The following RSRC1 variants were observed in gnomAD, a reference collection of about 807,000 sequenced individuals.
RSRC1 encodes arginine and serine rich coiled-coil 1.
Under a neutral mutation model 49.1 loss-of-function variants are expected in RSRC1, and 39 were observed. The observed-to-expected ratio is 0.79, with a 90% CI of 0.61 to 1.04. The LOEUF (loss-of-function observed/expected upper bound fraction) is 1.04, where lower values mean the gene tolerates loss of function less well. RSRC1 is among the 50% of genes least tolerant of loss of function. The probability of loss-of-function intolerance (pLI) is 0.00; values close to 1 mark genes in which losing one functional copy is unlikely to be tolerated. For synonymous variants in RSRC1, 143 were observed against 130.8 expected, an observed-to-expected ratio of 1.09 and a Z score of -0.63; for missense variants, 388 against 402.4, an observed-to-expected ratio of 0.96 and a Z score of 0.31.
At chr3:158,266,498 C>T (rs944637806) in intron 4 of RSRC1, among the ~76,000 whole-genome samples, 4 of 151,948 alleles carry the variant, frequency 2.6e-5, no homozygotes, top group African/African-American at 9.7e-5. Flanking sequence ...TTTTAGTGTT[C>T]TACACTTGGT....
chr3:158,438,289 G>A (rs894094408), intron 6 of RSRC1, among the ~76,000 whole-genome samples: 2 of 152,144 alleles, frequency 1.3e-5, no homozygotes, highest in Non-Finnish European at 2.9e-5. Context: ...AGCTGCCAAT[G>A]ACTTTCTTCA....
intron 6 of RSRC1, among the ~76,000 whole-genome samples, chr3:158,401,143 T>C (rs1299041197): frequency 2.0e-5 from 3 of 152,038 alleles, no homozygotes; most frequent in African/African-American, 7.2e-5. Context: ...CCATCTAGAT[T>C]TGTGGACGTA....
chr3:158,113,578 A>G (rs1714569546), intron 1 of RSRC1, among the ~76,000 whole-genome samples: 1 of 152,058 alleles, frequency 6.6e-6, no homozygotes, highest in Non-Finnish European at 1.5e-5. Context: ...CATGCTGGCC[A>G]GGATGGTCTC....
chr3:158,219,928 T>C (rs1164453106), intron 4 of RSRC1, among the ~76,000 whole-genome samples: 3 of 151,610 alleles, frequency 2.0e-5, no homozygotes, highest in African/African-American at 7.3e-5. Context: ...TGGGGTTTCC[T>C]CATGAAATGA....
At chr3:158,518,755 G>A (rs1009584106) in intron 7 of RSRC1, among the ~76,000 whole-genome samples, 1 of 151,830 alleles carries the variant, frequency 6.6e-6, no homozygotes. Context: ...TAACTCAACC[G>A]ACCACACTAT....
intron 3 of RSRC1, among the ~76,000 whole-genome samples, chr3:158,202,134 C>T (rs1347065019): frequency 2.0e-5 from 3 of 152,090 alleles, no homozygotes; most frequent in Admixed American, 2.0e-4. Context: ...CCTGTTTCAG[C>T]TTCTTGAGTA....
chr3:158,543,512 G>A (rs1406877825), intron 9 of RSRC1, 25 bp downstream of exon 9: 1 of 1,576,398 alleles, frequency 6.3e-7, no homozygotes, highest in East Asian at 2.3e-5. Context: ...CTTTACGAAT[G>A]TCAGTTGAAG....
At chr3:158,452,288 G>T (rs933091565) in intron 6 of RSRC1, among the ~76,000 whole-genome samples, 1 of 152,084 alleles carries the variant, frequency 6.6e-6, no homozygotes, top group Non-Finnish European at 1.5e-5. Flanking sequence ...ACATAGTAAT[G>T]ACTTATGTAG....
At chr3:158,269,269 C>T (rs191685284) in intron 4 of RSRC1, among the ~76,000 whole-genome samples, 2 of 152,120 alleles carry the variant, frequency 1.3e-5, no homozygotes, top group East Asian at 3.9e-4. Flanking sequence ...CAAGTATGTG[C>T]CTAAATGATA....
At chr3:158,460,789 T>C (rs1375396680) in intron 6 of RSRC1, 146 bp from the exon 7 acceptor site, 3 of 441,202 alleles carry the variant, frequency 6.8e-6, no homozygotes, top group East Asian at 3.5e-5. Context: ...ATATAAAATA[T>C]GTATTTCAGA....
chr3:158,132,923 T>G (rs767065030), intron 3 of RSRC1, among the ~76,000 whole-genome samples: 12 of 152,212 alleles, frequency 7.9e-5, no homozygotes, highest in Non-Finnish European at 1.8e-4. Context: ...AGAAATAGAC[T>G]TAAATGTAGT....
At position 158,245,003 on chromosome 3, in the gene RSRC1, G is replaced by GT. The variant is rs1232927220; in HGVS notation, c.494+41758_494+41759insT. The stretch of plus-strand genomic sequence containing the variant: ...CTCCTGGATTTGTAGATTTTTCAAA[G>GT]GTTTTTTTTTTTTTTTCTGTCTCTG... On this transcript the variant is annotated intron_variant, in intron 4 of 9. Transcript: ENST00000611884. Among the ~76,000 whole-genome samples the GT allele has an allele frequency of 1.2e-3, 104 of 85,714 alleles. 1 individual carries two copies. Among genetic ancestry groups the GT allele is most frequent in the Admixed American group, 4.4e-3 (33 of 7,566 alleles). 56.2% of individuals were successfully genotyped at this position (85,714 alleles called of 152,430 possible). A position where few individuals can be genotyped will look rare whatever the true frequency, so the allele number is the denominator to read the frequency against.
At chr3:158,473,905 AC>A (rs1738255007) in intron 7 of RSRC1, among the ~76,000 whole-genome samples, 1 of 152,148 alleles carries the variant, frequency 6.6e-6, no homozygotes, top group African/African-American at 2.4e-5. Context: ...CTTACAAGTG[AC>A]CGTGAGCTTC....
At chr3:158,385,541 TAAC>T (rs1299108636) in intron 6 of RSRC1, among the ~76,000 whole-genome samples, 1 of 152,162 alleles carries the variant, frequency 6.6e-6, no homozygotes, top group Non-Finnish European at 1.5e-5. Context: ...TCATATGCAT[TAAC>T]AACTCAGTTA....
chr3:158,443,711 G>A (rs1170649155), intron 6 of RSRC1, among the ~76,000 whole-genome samples: 1 of 152,080 alleles, frequency 6.6e-6, no homozygotes, highest in Non-Finnish European at 1.5e-5. Context: ...CATTCACAAT[G>A]TGTTGCACTA....
At chr3:158,284,217 T>G (rs1382542570) in intron 4 of RSRC1, among the ~76,000 whole-genome samples, 1 of 151,978 alleles carries the variant, frequency 6.6e-6, no homozygotes, top group Non-Finnish European at 1.5e-5. Context: ...ACAAAGGACA[T>G]GAACTCATCA....
At chr3:158,503,116 G>C (rs74683724) in intron 7 of RSRC1, among the ~76,000 whole-genome samples, 6 of 152,052 alleles carry the variant, frequency 3.9e-5, no homozygotes, top group African/African-American at 1.4e-4. Context: ...TTCTATGGAC[G>C]TGGCTTCCTG....
intron 7 of RSRC1, among the ~76,000 whole-genome samples, chr3:158,472,108 C>A (rs1578520355): frequency 2.0e-5 from 3 of 152,102 alleles, no homozygotes; most frequent in Admixed American, 2.0e-4. Context: ...TTTAATTATA[C>A]CCAGCCCTTG....
Position 158,473,407 on chromosome 3 carries a change from G to A in RSRC1, c.652+12404G>A, listed in dbSNP as rs1015997557. ...AAACCATCATTCTCAGCAAACTATC[G>A]CAAGGACAAAAAACCAAACACTGCA... On this transcript the variant is annotated intron_variant, in intron 7 of 9. Coordinates refer to ENST00000611884, the MANE Select transcript of RSRC1 (RefSeq NM_001271838.2). Among the ~76,000 whole-genome samples, 6 of 151,838 alleles carry A rather than the reference G, an allele frequency of 4.0e-5. No individual in the cohort carries two copies. In the East Asian group the frequency reaches 7.8e-4, roughly 20 times the overall value.
Sources: gnomAD v4.1 joint callset for allele counts (sites outside exome capture counted in the v4.1 genomes callset) on GRCh38, gnomAD v4.1.1 for gene constraint, MANE v1.5 for transcripts, NCBI Gene and HGNC (gene_info 2026-07-23, HGNC 2026-07-21) for gene names.